Variants in SAMD4A observed in about 807,000 individuals in gnomAD.
SAMD4A encodes protein Smaug homolog 1.
A neutral mutation model predicts 81.3 loss-of-function variants in SAMD4A; 33 were observed. The ratio of observed to expected loss-of-function variants is 0.41; its 90% CI spans 0.31 to 0.54. The LOEUF is 0.54. Ranked by LOEUF, SAMD4A falls within the 20% of genes least tolerant of loss-of-function variation. The pLI is 0.37. For synonymous variants in SAMD4A, 389 were observed against 382.1 expected (o/e 1.02, Z -0.21); for missense variants, 854 against 951.1 (o/e 0.90, Z 1.34).
chr14:54,780,241 A>T (rs548047100), intron 11 of SAMD4A, among the ~76,000 whole-genome samples: 15 of 152,332 alleles, frequency 9.8e-5, no homozygotes, highest in African/African-American at 3.6e-4. Flanking sequence ...GTTGTGAACC[A>T]GCTGGATGTG....
At chr14:54,658,878 C>T (rs574918741) in intron 2 of SAMD4A, among the ~76,000 whole-genome samples, 35 of 152,194 alleles carry the variant, frequency 2.3e-4, no homozygotes, top group Non-Finnish European at 3.7e-4. Context: ...CGAGCATGCC[C>T]GTGGCTGGGC....
At chr14:54,701,977 A>G in intron 2 of SAMD4A, 85 bp from the exon 3 acceptor site, 1 of 1,418,392 alleles carries the variant, frequency 7.1e-7, no homozygotes, top group Non-Finnish European at 9.7e-7. Flanking sequence ...TTGGGACCCT[A>G]ATCCATAAAA....
intron 2 of SAMD4A, among the ~76,000 whole-genome samples, chr14:54,607,346 C>T (rs2034235957): frequency 6.6e-6 from 1 of 151,810 alleles, no homozygotes; most frequent in Non-Finnish European, 1.5e-5. Context: ...TGCCTCTAGT[C>T]AGGAGATAGT....
intron 4 of SAMD4A, among the ~76,000 whole-genome samples, chr14:54,747,963 A>G (rs956570387): frequency 2.6e-5 from 4 of 152,214 alleles, no homozygotes; most frequent in African/African-American, 9.6e-5. Flanking sequence ...TGGATTTTCA[A>G]TGCAGTTACC....
At chr14:54,770,354 A>G in intron 9 of SAMD4A, 132 bp downstream of exon 9, 1 of 668,128 alleles carries the variant, frequency 1.5e-6, no homozygotes, top group Non-Finnish European at 2.6e-6. Flanking sequence ...GCGAGTTCCA[A>G]ATTGCATTGC....
chr14:54,641,579 G>A (rs1594764248), intron 2 of SAMD4A, among the ~76,000 whole-genome samples: 1 of 152,164 alleles, frequency 6.6e-6, no homozygotes, highest in East Asian at 1.9e-4. Context: ...TGGCATATGA[G>A]ACATGGAGCA....
At chr14:54,694,838 A>T in intron 2 of SAMD4A, 2 of 985,554 alleles carry the variant, frequency 2.0e-6, no homozygotes, top group Non-Finnish European at 2.4e-6. Flanking sequence ...GCAGTCCTGG[A>T]GCACCCAGCT....
intron 3 of SAMD4A, among the ~76,000 whole-genome samples, chr14:54,705,704 A>G (rs1016693723): frequency 3.3e-5 from 5 of 152,170 alleles, no homozygotes; most frequent in Non-Finnish European, 5.9e-5. Context: ...CAATCATTCA[A>G]CTACCCCGCA....
Position 54,624,785 on chromosome 14 carries a change from T to TG in SAMD4A, c.196+56673_196+56674insG, listed in dbSNP as rs1408045511. Among the ~76,000 whole-genome samples the TG allele has an allele frequency of 8.3e-4, 123 of 148,652 alleles. 1 individual carries two copies. In the East Asian group the frequency reaches 0.02, roughly 25 times the overall value. On this transcript the variant is annotated intron_variant, in intron 2 of 12. Coordinates refer to ENST00000554335, the MANE Select transcript of SAMD4A (RefSeq NM_015589.6). Reference sequence around the variant, plus strand: ...AACCTGGGGAGAAGAGATTTTTTTTTTTGTTGTTTGGAGGTAAGTGGCCAT... The same window carrying TG: ...AACCTGGGGAGAAGAGATTTTTTTTTGTTGTTGTTTGGAGGTAAGTGGCCAT...
intron 2 of SAMD4A, among the ~76,000 whole-genome samples, chr14:54,690,909 T>C (rs537453839): frequency 6.6e-6 from 1 of 152,278 alleles, no homozygotes; most frequent in East Asian, 1.9e-4. Context: ...CAATGGTTAG[T>C]TTCCAAACTC....
chr14:54,596,627 C>T (rs2033917951), intron 2 of SAMD4A, among the ~76,000 whole-genome samples: 1 of 152,080 alleles, frequency 6.6e-6, no homozygotes, highest in Non-Finnish European at 1.5e-5. Flanking sequence ...AGGGCCTTCT[C>T]TCCTAGGAGC....
intron 6 of SAMD4A, among the ~76,000 whole-genome samples, chr14:54,758,174 G>A (rs2038295739): frequency 6.6e-6 from 1 of 152,188 alleles, no homozygotes; most frequent in Non-Finnish European, 1.5e-5. Flanking sequence ...GACAATTCTG[G>A]TGGCTAATTA....
At chr14:54,568,735 A>C (rs1248375471) in intron 2 of SAMD4A, among the ~76,000 whole-genome samples, 1 of 106,764 alleles carries the variant, frequency 9.4e-6, no homozygotes, top group South Asian at 3.0e-4. Context: ...ATATATATAT[A>C]TATATAATGC....
chr14:54,776,686 C>G (rs1218300397), intron 11 of SAMD4A, 146 bp downstream of exon 11: 1 of 1,044,512 alleles, frequency 9.6e-7, no homozygotes, highest in Admixed American at 3.6e-5. Context: ...TAAACTGTGC[C>G]TTGCCAGCAT....
At chr14:54,614,678 G>C (rs1173792667) in intron 2 of SAMD4A, among the ~76,000 whole-genome samples, 1 of 152,120 alleles carries the variant, frequency 6.6e-6, no homozygotes, top group Admixed American at 6.5e-5. Context: ...TTTAATAAAA[G>C]CAAGTGGTTT....
At chr14:54,701,791 T>C (rs961896238) in intron 2 of SAMD4A, among the ~76,000 whole-genome samples, 3 of 152,360 alleles carry the variant, frequency 2.0e-5, no homozygotes, top group African/African-American at 7.2e-5. Context: ...TGTATTTGAT[T>C]GTACCAAAGT....
chr14:54,637,414 C>T (rs374309878), intron 2 of SAMD4A, among the ~76,000 whole-genome samples: 1 of 142,970 alleles, frequency 7.0e-6, no homozygotes, highest in South Asian at 2.2e-4. Context: ...TAGGAATTAG[C>T]AGAAGAGATG....
intron 8 of SAMD4A, among the ~76,000 whole-genome samples, chr14:54,769,103 T>C (rs1002525322): frequency 7.2e-5 from 11 of 152,266 alleles, no homozygotes; most frequent in African/African-American, 2.4e-4. Flanking sequence ...GCACGTGTTC[T>C]AAGTTACAGT....
intron 6 of SAMD4A, among the ~76,000 whole-genome samples, chr14:54,759,615 G>A (rs969194852): frequency 6.6e-6 from 1 of 152,234 alleles, no homozygotes; most frequent in Admixed American, 6.5e-5. Flanking sequence ...GAGAAACTGA[G>A]GCACAAATTG....
Sources: allele counts gnomAD v4.1 joint callset (sites outside exome capture counted in the v4.1 genomes callset), GRCh38; gene constraint gnomAD v4.1.1; transcripts MANE v1.5; gene names NCBI Gene and HGNC (gene_info 2026-07-23, HGNC 2026-07-21).